The following FCHSD2 variants were observed in gnomAD, a reference collection of about 807,000 sequenced individuals.
FCHSD2 encodes the protein F-BAR and double SH3 domains protein 2.
Under a neutral mutation model 108.1 loss-of-function variants are expected in FCHSD2, and 38 were observed. The ratio of observed to expected loss-of-function variants is 0.35; its 90% CI spans 0.27 to 0.46. FCHSD2 has a LOEUF of 0.46. Among genes scored for constraint, FCHSD2 ranks in the 20% least tolerant of loss-of-function variants. The pLI, the probability that FCHSD2 is intolerant of heterozygous loss-of-function variation, is 1.00. For synonymous variants in FCHSD2, 279 were observed against 314.7 expected (o/e 0.89, Z 1.20); for missense variants, 751 against 897.8 (o/e 0.84, Z 2.09).
chr11:72,923,203 T>C (rs1357686758), intron 8 of FCHSD2, among the ~76,000 whole-genome samples: 1 of 152,204 alleles, frequency 6.6e-6, no homozygotes, highest in Non-Finnish European at 1.5e-5. Context: ...CCCCATTTTT[T>C]GACTATTATA....
chr11:72,867,709 T>C (rs1007057764), intron 13 of FCHSD2, among the ~76,000 whole-genome samples, 156 bp downstream of exon 13: 2 of 152,182 alleles, frequency 1.3e-5, no homozygotes, highest in Non-Finnish European at 2.9e-5. Flanking sequence ...CCCGCAATAA[T>C]TTTAAATCAA....
chr11:73,073,260 C>T (rs1411018834), intron 3 of FCHSD2, among the ~76,000 whole-genome samples: 1 of 152,178 alleles, frequency 6.6e-6, no homozygotes, highest in African/African-American at 2.4e-5. Context: ...TTCACAGATA[C>T]ATTTGTCATT....
In FCHSD2 at chr11:72,988,934, T is replaced by C. The variant is rs375411975; in HGVS notation, c.521+30A>G. 9 of 1,574,972 alleles carry C rather than the reference T, an allele frequency of 5.7e-6. No individual in the cohort carries two copies. In the African/African-American group the frequency reaches 8.1e-5, roughly 14 times the overall value. On this transcript the variant is annotated intron_variant, in intron 6 of 19. Coordinates refer to ENST00000409418, the MANE Select transcript of FCHSD2 (RefSeq NM_014824.3). ...GCAACAATAACATTTATTTGCATAA[T>C]AATTTTCTCAGAAATGTTAAAACAC... is the stretch of plus-strand genomic sequence containing the variant.
intron 3 of FCHSD2, among the ~76,000 whole-genome samples, chr11:73,069,768 G>A (rs965710390): frequency 6.6e-6 from 1 of 152,096 alleles, no homozygotes; most frequent in Non-Finnish European, 1.5e-5. Flanking sequence ...TTCCAGAATT[G>A]AAGAAAAGCA....
At chr11:73,020,284 A>G (rs1858070585) in intron 3 of FCHSD2, among the ~76,000 whole-genome samples, 1 of 152,216 alleles carries the variant, frequency 6.6e-6, no homozygotes, top group South Asian at 2.1e-4. Flanking sequence ...TGGCCAATTT[A>G]TTACAGCAAG....
At chr11:72,852,059 T>G (rs56027064) in intron 13 of FCHSD2, among the ~76,000 whole-genome samples, 34,130 of 148,640 alleles carry the variant, frequency 0.23, 4,602 homozygotes, top group Middle Eastern at 0.37. Flanking sequence ...GTTTTTGGTG[T>G]TTTTTTTTTG....
intron 2 of FCHSD2, among the ~76,000 whole-genome samples, chr11:73,090,249 G>A (rs1424140335): frequency 4.4e-5 from 6 of 136,464 alleles, no homozygotes; most frequent in South Asian, 4.6e-4. Flanking sequence ...TTTTTGAGAC[G>A]GAGTCTCGCT....
intron 5 of FCHSD2, among the ~76,000 whole-genome samples, chr11:72,996,246 T>C (rs1360051940): frequency 6.6e-6 from 1 of 152,226 alleles, no homozygotes; most frequent in Non-Finnish European, 1.5e-5. Flanking sequence ...CCTAAGTCTC[T>C]TTAACATTTT....
At chr11:72,983,069 C>T (rs1199144251) in intron 8 of FCHSD2, among the ~76,000 whole-genome samples, 9 of 151,624 alleles carry the variant, frequency 5.9e-5, no homozygotes, top group Non-Finnish European at 1.0e-4. Flanking sequence ...CTGAGGCGGG[C>T]GGATCACGAG....
intron 2 of FCHSD2, among the ~76,000 whole-genome samples, chr11:73,101,446 G>C (rs1473174308): frequency 2.0e-5 from 3 of 152,038 alleles, no homozygotes; most frequent in African/African-American, 2.4e-5. Flanking sequence ...TGTTGTTGTT[G>C]TTGCTGTTTT....
intron 8 of FCHSD2, among the ~76,000 whole-genome samples, chr11:72,956,301 A>G (rs1252395685): frequency 6.6e-6 from 1 of 152,222 alleles, no homozygotes; most frequent in Non-Finnish European, 1.5e-5. Flanking sequence ...TGATGAAAAT[A>G]GAAAACCACC....
chr11:72,973,075 T>G (rs1454311748), intron 8 of FCHSD2, among the ~76,000 whole-genome samples: 1 of 152,078 alleles, frequency 6.6e-6, no homozygotes, highest in Non-Finnish European at 1.5e-5. Flanking sequence ...ATTAAGAAAA[T>G]GGGTAAGTTA....
rs59339008 is a variant in FCHSD2 at position 72,958,993 on chromosome 11, ATGTGTGTGTG to A, written c.705+25085_705+25094del. 2.1e-4 allele frequency among the ~76,000 whole-genome samples: 24 copies of A among 114,878 alleles called. No individual in the cohort carries two copies. The East Asian group carries it at 3.3e-3, about 16-fold the overall frequency. 75.4% of individuals were successfully genotyped at this position (114,878 alleles called of 152,430 possible). A position where few individuals can be genotyped will look rare whatever the true frequency, so the allele number is the denominator to read the frequency against. Reference sequence around the variant, plus strand: ...TATTACATATACTCATCAGTAAGATATGTGTGTGTGTGTGTGTGTGTGTGTGTGTGTGTAC... The same window carrying A: ...TATTACATATACTCATCAGTAAGATATGTGTGTGTGTGTGTGTGTGTGTAC... On this transcript the variant is annotated intron_variant, in intron 8 of 19. Transcript: ENST00000409418.
chr11:72,906,098 C>T (rs1315896608), intron 9 of FCHSD2, among the ~76,000 whole-genome samples: 1 of 152,208 alleles, frequency 6.6e-6, no homozygotes, highest in Non-Finnish European at 1.5e-5. Context: ...TCTCCAGCAT[C>T]TGTTGTTTCC....
intron 8 of FCHSD2, chr11:72,940,514 A>G: frequency 1.2e-6 from 1 of 847,354 alleles, no homozygotes; most frequent in Non-Finnish European, 2.0e-6. Context: ...GCATACCCGC[A>G]CATCCAGGAG....
At chr11:72,874,244 T>G (rs1854921934) in intron 12 of FCHSD2, among the ~76,000 whole-genome samples, 1 of 152,246 alleles carries the variant, frequency 6.6e-6, no homozygotes, top group East Asian at 1.9e-4. Flanking sequence ...TGGAATGCGG[T>G]GGTATGACAA....
At chr11:72,999,888 A>C (rs72982846) in intron 5 of FCHSD2, among the ~76,000 whole-genome samples, 9 of 102,852 alleles carry the variant, frequency 8.8e-5, no homozygotes, top group African/African-American at 3.1e-4. Context: ...CACACACACA[A>C]ACACACACAC....
At position 72,940,503 on chromosome 11, in the gene FCHSD2, T is replaced by G. The variant is rs113292837; in HGVS notation, c.706-18553A>C. ...TAGCCATCAGGTAAGCCAAGATGGG[T>G]GCATACCCGCACATCCAGGAGCTAT... On this transcript the variant is annotated intron_variant, in intron 8 of 19. Coordinates refer to ENST00000409418, the MANE Select transcript of FCHSD2 (RefSeq NM_014824.3). 5,467 of 794,388 alleles carry G rather than the reference T, an allele frequency of 6.9e-3. 33 individuals are homozygous for G. Among genetic ancestry groups the G allele is most frequent in the South Asian group, 0.014 (974 of 70,958 alleles). 49.2% of individuals were successfully genotyped at this position (794,388 alleles called of 1,614,324 possible).
Position 72,842,840 on chromosome 11 carries a change from T to C in FCHSD2, c.1707A>G (p.Val569=), listed in dbSNP as rs766244653. The C allele has an allele frequency of 1.2e-6, 2 of 1,612,142 alleles. No individual in the cohort carries two copies. Among genetic ancestry groups the C allele is most frequent in the African/African-American group, 1.3e-5 (1 of 74,938 alleles). Residue 569 remains valine, a splice_region_variant and synonymous_variant, in exon 17 of 20, where the codon GTA becomes GTG. Coordinates refer to ENST00000409418, the MANE Select transcript of FCHSD2 (RefSeq NM_014824.3). The part of the protein sequence containing the change: ...VSGSLNGDAS[V]CFVKALYDYE... ...AATCATAAAGTGCTTTCACAAAACA[T>C]ACTAGGGAGCAAGAGAAAAACAAAT...
Sources: allele counts gnomAD v4.1 joint callset (sites outside exome capture counted in the v4.1 genomes callset), GRCh38; gene constraint gnomAD v4.1.1; transcripts MANE v1.5; gene names NCBI Gene and HGNC (gene_info 2026-07-23, HGNC 2026-07-21).